The following PTPRM variants were observed in gnomAD, a reference collection of about 807,000 sequenced individuals.
PTPRM encodes the protein receptor-type tyrosine-protein phosphatase mu.
Under a neutral mutation model 186.7 loss-of-function variants are expected in PTPRM, and 47 were observed. That is an observed-to-expected ratio of 0.25 (90% CI 0.20 to 0.32). The LOEUF is 0.32. Among genes scored for constraint, PTPRM ranks in the 10% least tolerant of loss-of-function variants. The probability of loss-of-function intolerance (pLI) is 1.00; values close to 1 mark genes in which losing one functional copy is unlikely to be tolerated. For missense variants in PTPRM, 1,494 were observed against 1,865.0 expected (o/e 0.80, Z 3.66); for synonymous variants, 668 against 674.9 (o/e 0.99, Z 0.16).
intron 14 of PTPRM, among the ~76,000 whole-genome samples, chr18:8,147,256 A>C (rs1054470410): frequency 6.6e-6 from 1 of 152,116 alleles, no homozygotes; most frequent in Non-Finnish European, 1.5e-5. Context: ...CCATTTTCAC[A>C]ATCTTAATTC....
intron 1 of PTPRM, among the ~76,000 whole-genome samples, chr18:7,601,344 C>G (rs543410024): frequency 6.6e-6 from 1 of 152,206 alleles, no homozygotes; most frequent in South Asian, 2.1e-4. Context: ...TACTCTCCCC[C>G]GGTGCATTAG....
intron 14 of PTPRM, among the ~76,000 whole-genome samples, chr18:8,193,219 G>C (rs1164207214): frequency 6.6e-6 from 1 of 152,190 alleles, no homozygotes; most frequent in Non-Finnish European, 1.5e-5. Context: ...GAAAGCCAAT[G>C]TTAACAACTG....
At chr18:8,326,285 A>G (rs2095375778) in intron 22 of PTPRM, among the ~76,000 whole-genome samples, 1 of 152,176 alleles carries the variant, frequency 6.6e-6, no homozygotes, top group South Asian at 2.1e-4. Context: ...GAAATCAGGG[A>G]TGATACAAAC....
chr18:7,702,256 G>T (rs2039983202), intron 1 of PTPRM, among the ~76,000 whole-genome samples: 1 of 152,142 alleles, frequency 6.6e-6, no homozygotes, highest in Non-Finnish European at 1.5e-5. Flanking sequence ...AATCCTTGAG[G>T]AATCGCCACA....
chr18:8,122,544 T>C (rs1336021273), intron 13 of PTPRM, among the ~76,000 whole-genome samples: 1 of 152,216 alleles, frequency 6.6e-6, no homozygotes, highest in Non-Finnish European at 1.5e-5. Context: ...TCATTGTGTG[T>C]TTGGTCTGTT....
At chr18:8,081,392 G>A (rs903555201) in intron 9 of PTPRM, among the ~76,000 whole-genome samples, 4 of 152,188 alleles carry the variant, frequency 2.6e-5, no homozygotes, top group African/African-American at 7.2e-5. Context: ...CTGCAGCAAC[G>A]TTTTTTACAG....
chr18:8,378,569 G>A (rs1381193285), intron 27 of PTPRM, among the ~76,000 whole-genome samples, 155 bp downstream of exon 27: 1 of 152,126 alleles, frequency 6.6e-6, no homozygotes, highest in Admixed American at 6.5e-5. Flanking sequence ...CTCTACCCAG[G>A]AGACGTCTAT....
chr18:7,613,815 T>C (rs1411628591), intron 1 of PTPRM, among the ~76,000 whole-genome samples: 1 of 152,244 alleles, frequency 6.6e-6, no homozygotes, highest in Non-Finnish European at 1.5e-5. Context: ...ATTACTTTTG[T>C]CCCTTCCAAT....
intron 2 of PTPRM, among the ~76,000 whole-genome samples, chr18:7,779,982 A>G (rs937910462): frequency 6.6e-6 from 1 of 152,202 alleles, no homozygotes; most frequent in Non-Finnish European, 1.5e-5. Context: ...CACATTTATT[A>G]ATGACTTTCT....
At chr18:7,833,398 T>G (rs1256489106) in intron 2 of PTPRM, among the ~76,000 whole-genome samples, 1 of 152,206 alleles carries the variant, frequency 6.6e-6, no homozygotes, top group Non-Finnish European at 1.5e-5. Context: ...GTTACTTTTT[T>G]ATTTCTTTTA....
At chr18:7,816,862 C>T (rs1463643119) in intron 2 of PTPRM, among the ~76,000 whole-genome samples, 2 of 152,030 alleles carry the variant, frequency 1.3e-5, no homozygotes, top group Admixed American at 6.6e-5. Context: ...ATCTGAACAA[C>T]ATAGATATAC....
chr18:8,391,611 G>A (rs551422757), intron 31 of PTPRM, among the ~76,000 whole-genome samples: 126 of 152,240 alleles, frequency 8.3e-4, no homozygotes, highest in Non-Finnish European at 7.2e-4. Context: ...AGGAAGGAAC[G>A]TGAGGGAGCC....
intron 6 of PTPRM, among the ~76,000 whole-genome samples, chr18:7,951,437 A>C (rs8088494): frequency 0.022 from 3,346 of 152,302 alleles, 125 homozygotes; most frequent in African/African-American, 0.077. Flanking sequence ...ATCTCTAAAA[A>C]TTCCCTTGTG....
At chr18:8,108,352 T>A (rs2091612192) in intron 11 of PTPRM, among the ~76,000 whole-genome samples, 1 of 152,094 alleles carries the variant, frequency 6.6e-6, no homozygotes, top group Non-Finnish European at 1.5e-5. Context: ...AATGAAAGCG[T>A]TACAACTTTT....
chr18:7,570,780 ATTG>A (rs1354605704), intron 1 of PTPRM, among the ~76,000 whole-genome samples: 1 of 152,138 alleles, frequency 6.6e-6, no homozygotes, highest in Non-Finnish European at 1.5e-5. Flanking sequence ...TGGGTTTGGA[ATTG>A]TTAAGATTGT....
intron 3 of PTPRM, among the ~76,000 whole-genome samples, chr18:7,897,732 G>A (rs2049439882): frequency 6.6e-6 from 1 of 152,048 alleles, no homozygotes; most frequent in Non-Finnish European, 1.5e-5. Context: ...CTTAATCTCT[G>A]CGTGGTCTGC....
chr18:7,904,723 T>C (rs1355588187), intron 3 of PTPRM, among the ~76,000 whole-genome samples: 3 of 152,202 alleles, frequency 2.0e-5, no homozygotes, highest in African/African-American at 7.2e-5. Context: ...TCTGTAAATA[T>C]GATGTGCACA....
At chr18:8,370,741 G>A in intron 23 of PTPRM, 149 bp from the exon 24 acceptor site, 2 of 521,508 alleles carry the variant, frequency 3.8e-6, no homozygotes, top group Non-Finnish European at 6.8e-6. Flanking sequence ...AAAAACACAG[G>A]TGATCTACAA....
intron 22 of PTPRM, among the ~76,000 whole-genome samples, chr18:8,325,358 C>G (rs2095369294): frequency 6.6e-6 from 1 of 152,162 alleles, no homozygotes; most frequent in Admixed American, 6.5e-5. Context: ...TTGCTGCCTC[C>G]TTTGTGCCCA....
Sources: allele counts gnomAD v4.1 joint callset (sites outside exome capture counted in the v4.1 genomes callset), GRCh38; gene constraint gnomAD v4.1.1; transcripts MANE v1.5; gene names NCBI Gene and HGNC (gene_info 2026-07-23, HGNC 2026-07-21).